The following SH2D7 variants were observed in gnomAD, a reference collection of about 807,000 sequenced individuals.
The protein encoded by SH2D7 is SH2 domain containing 7, also known as SH2 domain-containing protein 7.
A neutral mutation model predicts 40.8 loss-of-function variants in SH2D7; 32 were observed. The observed-to-expected ratio is 0.78, with a 90% CI of 0.59 to 1.05. SH2D7 has a LOEUF of 1.05. Ranked by LOEUF, SH2D7 falls within the 50% of genes least tolerant of loss-of-function variation. The pLI is 0.00. For missense variants in SH2D7, 559 were observed against 566.6 expected, an observed-to-expected ratio of 0.99 and a Z score of 0.14; for synonymous variants, 195 against 221.5, an observed-to-expected ratio of 0.88 and a Z score of 1.06.
intron 4 of SH2D7, among the ~76,000 whole-genome samples, chr15:78,098,810 TG>T (rs2073993544): frequency 6.6e-6 from 1 of 152,242 alleles, no homozygotes; most frequent in Admixed American, 6.5e-5. Flanking sequence ...AGCCTTGGCT[TG>T]GCCATTTTCT....
rs758070839 is a variant in SH2D7 at position 78,094,136 on chromosome 15, C to CA, written c.204dup (p.Ala69SerfsTer11). ...GGCAGACGGAGCAGCTACTCAGGGA[C>CA]AAAGCTCTTGGTTCCTTCCTTATCC... On this transcript the variant is annotated frameshift_variant, in exon 2 of 6. Transcript: ENST00000328828. LOFTEE classifies it high-confidence loss of function. 2 of 1,609,186 alleles carry CA rather than the reference C, an allele frequency of 1.2e-6. No individual in the cohort carries two copies. Among genetic ancestry groups the CA allele is most frequent in the African/African-American group, 2.7e-5 (2 of 74,882 alleles).
intron 5 of SH2D7, among the ~76,000 whole-genome samples, 197 bp from the exon 6 acceptor site, chr15:78,103,268 G>A (rs1372604187): frequency 6.6e-6 from 1 of 152,190 alleles, no homozygotes; most frequent in Non-Finnish European, 1.5e-5. Flanking sequence ...GGTGAACCCT[G>A]CATCTGAAAT....
chr15:78,099,616 A>C (rs2903700), intron 4 of SH2D7, among the ~76,000 whole-genome samples: 67,480 of 151,564 alleles, frequency 0.45, 15,211 homozygotes, highest in African/African-American at 0.52. Flanking sequence ...CGTGAGCCAC[A>C]GCGCTTGGCC....
chr15:78,096,000 A>G (rs2073970025), intron 2 of SH2D7, among the ~76,000 whole-genome samples: 1 of 151,802 alleles, frequency 6.6e-6, no homozygotes, highest in African/African-American at 2.4e-5. Flanking sequence ...ACGCCACCAC[A>G]CCCAGCTAAT....
chr15:78,095,884 T>C (rs2073968662), intron 2 of SH2D7, among the ~76,000 whole-genome samples: 4 of 152,176 alleles, frequency 2.6e-5, no homozygotes, highest in African/African-American at 9.7e-5. Flanking sequence ...GCTCTCTCGC[T>C]CTGGCTGGAG....
upstream of SH2D7, chr15:78,091,390 CT>C (rs1213116332): frequency 1.3e-5 from 2 of 152,196 alleles, no homozygotes; most frequent in Non-Finnish European, 2.9e-5. Context: ...TAGAAAATAG[CT>C]TTGCCTCATG....
chr15:78,101,767 C>T (rs2074019247), intron 5 of SH2D7, among the ~76,000 whole-genome samples: 1 of 152,142 alleles, frequency 6.6e-6, no homozygotes, highest in Non-Finnish European at 1.5e-5. Context: ...AAGATGGGGG[C>T]TTCCAGGCCC....
At chr15:78,091,131 T>C (rs1366417507), upstream of SH2D7, 3 of 152,156 alleles carry the variant, frequency 2.0e-5, no homozygotes, top group African/African-American at 7.2e-5. Flanking sequence ...CCTCCCACCT[T>C]GTGCTCCCAA....
At position 78,098,105 on chromosome 15, in the gene SH2D7, C is replaced by A; in HGVS notation, c.432+11C>A. 2 of 1,599,796 alleles carry A rather than the reference C, an allele frequency of 1.3e-6. No homozygotes were observed. Among genetic ancestry groups the A allele is most frequent in the Non-Finnish European group, 1.7e-6 (2 of 1,172,596 alleles). On this transcript the variant is annotated intron_variant, in intron 3 of 5. Coordinates refer to ENST00000328828, the MANE Select transcript of SH2D7 (RefSeq NM_001101404.2). ...GCTGCCTGCCCCCGGGTAGGCGCCC[C>A]ACTTCCCCAGGGTGAGGGTGGCAGG...
rs1352805082 is a variant in SH2D7 at position 78,101,415 on chromosome 15, C to G, written c.1162C>G (p.Pro388Ala). 2 of 1,613,294 alleles carry G rather than the reference C, an allele frequency of 1.2e-6. No individual in the cohort carries two copies. Among genetic ancestry groups the G allele is most frequent in the African/African-American group, 1.3e-5 (1 of 74,932 alleles). Residue 388 changes from proline (P) to alanine (A), a missense_variant, in exon 5 of 6, where the codon CCA becomes GCA. Physicochemically the swap from Pro to Ala is conservative, Grantham distance 27. Transcript: ENST00000328828. The stretch of plus-strand genomic sequence containing the variant: ...TTGCTGGGGTGGCCCAGCCAGGGCC[C>G]CACATCCTGGGGCCAGTCCCACATA... ...PACWGGPARA[P>A]HPGASPTYSP... is the part of the protein sequence containing the mutation.
At chr15:78,096,234 T>A (rs186187048) in intron 2 of SH2D7, among the ~76,000 whole-genome samples, 39 of 152,266 alleles carry the variant, frequency 2.6e-4, no homozygotes, top group African/African-American at 8.9e-4. Context: ...TCTATTAGAA[T>A]ACAAATATCT....
rs200889291 is a variant in SH2D7, at chr15:78,101,302, T to C, written c.1049T>C (p.Ile350Thr). The C allele has an allele frequency of 4.6e-5, 74 of 1,612,972 alleles. No individual in the cohort carries two copies. In the African/African-American group the frequency reaches 8.7e-4, roughly 19 times the overall value. The change falls in exon 5 of 6, where the codon ATC becomes ACC. Residue 350 changes from isoleucine (I) to threonine (T), a missense_variant. Transcript: ENST00000328828. ...QPCSQGSSADIYEFIGTEGLL... is the reference protein window; with the variant it reads ...QPCSQGSSADTYEFIGTEGLL... ...TGCTCCCAGGGCAGCTCTGCAGATA[T>C]CTATGAGTTCATCGGGACAGAAGGC...
chr15:78,101,720 G>C (rs112149948), intron 5 of SH2D7, among the ~76,000 whole-genome samples, 162 bp downstream of exon 5: 3 of 152,214 alleles, frequency 2.0e-5, no homozygotes, highest in Non-Finnish European at 2.9e-5. Context: ...TGGTGGTGGT[G>C]GTGGTGGTGG....
intron 4 of SH2D7, among the ~76,000 whole-genome samples, chr15:78,100,643 G>C (rs962735918): frequency 6.6e-6 from 1 of 152,194 alleles, no homozygotes; most frequent in Non-Finnish European, 1.5e-5. Context: ...GTTGTAATGA[G>C]CTGAGATTGC....
At chr15:78,093,182 C>T (rs1264937791) in intron 1 of SH2D7, among the ~76,000 whole-genome samples, 1 of 152,216 alleles carries the variant, frequency 6.6e-6, no homozygotes, top group African/African-American at 2.4e-5. Flanking sequence ...GGCCAAGATA[C>T]AGGTTTGGCT....
Position 78,103,764 on chromosome 15 carries a change from C to T in SH2D7, c.*249C>T, listed in dbSNP as rs1567046231. The T allele has an allele frequency of 3.9e-6, 2 of 516,590 alleles. No homozygotes were observed. The highest frequency in any genetic ancestry group is 4.9e-5 in the South Asian group (2 of 40,754). The allele number at this position is 516,590 out of a possible 1,614,324, so 32.0% of individuals were successfully genotyped here. On this transcript the variant is annotated 3_prime_UTR_variant, in exon 6 of 6. Transcript: ENST00000328828. ...GCCTCCCATCCATGCACAGGAGGGA[C>T]TGGAGAGGAATGAGATTGGCCAAAG...
chr15:78,101,715 G>A (rs531176625), intron 5 of SH2D7, among the ~76,000 whole-genome samples, 157 bp downstream of exon 5: 5 of 152,302 alleles, frequency 3.3e-5, no homozygotes, highest in Admixed American at 6.5e-5. Flanking sequence ...AGAAGTGGTG[G>A]TGGTGGTGGT....
Position 78,101,077 on chromosome 15 carries a change from C to A in SH2D7, c.824C>A (p.Ser275Tyr). The A allele has an allele frequency of 6.3e-7, 1 of 1,595,600 alleles. No homozygotes were observed. Among genetic ancestry groups the A allele is most frequent in the Non-Finnish European group, 8.5e-7 (1 of 1,172,286 alleles). Residue 275 changes from serine to tyrosine, a missense_variant, in exon 5 of 6, where the codon TCC becomes TAC. By Grantham distance (144) the Ser-to-Tyr change is moderately radical (BLOSUM62 -2). Coordinates refer to ENST00000328828, the MANE Select transcript of SH2D7 (RefSeq NM_001101404.2). The stretch of plus-strand genomic sequence containing the variant: ...GTTCCAGCTGGCAGCCAGGCCTACT[C>A]CCCAGGCAGGGAGGCCCAAAGGAGA... ...GPVPAGSQAY[S>Y]PGREAQRRLS...
chr15:78,098,740 T>G, intron 4 of SH2D7, 144 bp downstream of exon 4: 1 of 978,176 alleles, frequency 1.0e-6, no homozygotes, highest in Non-Finnish European at 1.5e-6. Context: ...GGACCCAGCT[T>G]GGAATCACCC....
Sources: gnomAD v4.1 joint callset for allele counts (sites outside exome capture counted in the v4.1 genomes callset) on GRCh38, gnomAD v4.1.1 for gene constraint, MANE v1.5 for transcripts, NCBI Gene and HGNC (gene_info 2026-07-23, HGNC 2026-07-21) for gene names.